The following DHRSX variants were observed in gnomAD, a reference collection of about 807,000 sequenced individuals.
DHRSX encodes polyprenol dehydrogenase.
DHRSX carries 31 observed loss-of-function variants against 34.0 expected under a neutral mutation model. The observed-to-expected ratio is 0.91, with a 90% CI of 0.69 to 1.23. The LOEUF is 1.23. DHRSX is among the 50% of genes most tolerant of loss of function. The pLI is 0.00. For missense variants in DHRSX, 414 were observed against 428.1 expected (o/e 0.97, Z 0.29); for synonymous variants, 201 against 183.8 (o/e 1.09, Z -0.76).
intron 6 of DHRSX, among the ~76,000 whole-genome samples, chrX:2,223,092 G>A (rs184777667): frequency 0.047 from 7,128 of 152,228 alleles, 491 homozygotes; most frequent in African/African-American, 0.15. Flanking sequence ...AGTGTCCTGG[G>A]AGATTTGGAG....
intron 1 of DHRSX, chrX:2,488,472 AC>A: frequency 2.0e-6 from 2 of 975,926 alleles, no homozygotes; most frequent in South Asian, 3.7e-5. Flanking sequence ...ACCGCCCCCG[AC>A]CCTCTCTCAC....
intron 6 of DHRSX, among the ~76,000 whole-genome samples, chrX:2,223,096 T>C (rs35737526): frequency 0.026 from 3,945 of 152,100 alleles, 101 homozygotes; most frequent in African/African-American, 0.06. Flanking sequence ...TCCTGGGAGA[T>C]TTGGAGGCTG....
At chrX:2,225,351 C>G (rs1163068437) in intron 6 of DHRSX, among the ~76,000 whole-genome samples, 1 of 151,402 alleles carries the variant, frequency 6.6e-6, no homozygotes, top group Admixed American at 6.6e-5. Flanking sequence ...CAAGTACGCA[C>G]ATACACATGC....
At chrX:2,246,272 G>A (rs1489333379) in intron 5 of DHRSX, among the ~76,000 whole-genome samples, 2 of 152,104 alleles carry the variant, frequency 1.3e-5, no homozygotes, top group Non-Finnish European at 2.9e-5. Flanking sequence ...ATGCGTTTCA[G>A]AAAAAGCTTC....
At chrX:2,450,618 C>T (rs5982607) in intron 1 of DHRSX, among the ~76,000 whole-genome samples, 10,548 of 151,834 alleles carry the variant, frequency 0.069, 460 homozygotes, top group African/African-American at 0.1. Flanking sequence ...TATATTTTAC[C>T]GTGACCAAGA....
chrX:2,365,392 G>A (rs1173631108), intron 3 of DHRSX, among the ~76,000 whole-genome samples: 3 of 152,110 alleles, frequency 2.0e-5, no homozygotes, highest in South Asian at 4.2e-4. Context: ...CACCCATCTC[G>A]GCCTCCCAAA....
Position 2,243,250 on chromosome X carries a change from A to T in DHRSX, c.597-20T>A. On this transcript the variant is annotated intron_variant, in intron 5 of 6. Coordinates refer to ENST00000334651, the MANE Select transcript of DHRSX (RefSeq NM_145177.3). ...CAGGCACTGTGGGGCAAGCAGGAGA[A>T]GGTGTAAGAGGCTGACGGCGTTCAC... 1 of 1,609,096 alleles carries T rather than the reference A, an allele frequency of 6.2e-7. No homozygotes were observed. The highest frequency in any genetic ancestry group is 1.1e-5 in the South Asian group (1 of 90,906).
At chrX:2,473,850 C>G (rs754895168) in intron 1 of DHRSX, among the ~76,000 whole-genome samples, 2 of 140,642 alleles carry the variant, frequency 1.4e-5, no homozygotes, top group South Asian at 2.1e-4. Flanking sequence ...CTGGGTGGGG[C>G]TGGGGAGCTG....
intron 5 of DHRSX, among the ~76,000 whole-genome samples, chrX:2,259,281 A>AT (rs1455617094): frequency 1.3e-5 from 2 of 149,446 alleles, no homozygotes; most frequent in Non-Finnish European, 1.5e-5. Flanking sequence ...TCAAAAAAAA[A>AT]ATATATAGAT....
chrX:2,490,528 G>C (rs184658668), intron 1 of DHRSX: 149 of 1,614,004 alleles, frequency 9.2e-5, no homozygotes, highest in Non-Finnish European at 1.2e-4. Flanking sequence ...CCAGGTGGTA[G>C]GACAGGTTGG....
At chrX:2,244,123 A>G (rs2016222939) in intron 5 of DHRSX, among the ~76,000 whole-genome samples, 1 of 152,004 alleles carries the variant, frequency 6.6e-6, no homozygotes, top group Non-Finnish European at 1.5e-5. Context: ...CACACAAGCA[A>G]TTTGGCAAAC....
rs777985308 is a variant in DHRSX, at chrX:2,465,055, T to C, written c.109+35762A>G. Among the ~76,000 whole-genome samples the C allele has an allele frequency of 3.3e-5, 5 of 151,832 alleles. No individual in the cohort carries two copies. In the East Asian group the frequency reaches 9.8e-4, roughly 30 times the overall value. ...ACAGGATGGCACCGAAGACGTTCCC[T>C]AGGCATATGGCCAAGGGACCTCACT... On this transcript the variant is annotated intron_variant, in intron 1 of 6. Coordinates refer to ENST00000334651, the MANE Select transcript of DHRSX (RefSeq NM_145177.3).
intron 3 of DHRSX, among the ~76,000 whole-genome samples, chrX:2,403,805 G>C (rs893898896): frequency 1.4e-5 from 2 of 146,136 alleles, no homozygotes; most frequent in Non-Finnish European, 1.5e-5. Context: ...GCAGTGAGCC[G>C]AGATCACACC....
At chrX:2,228,886 G>C (rs1043523897) in intron 6 of DHRSX, among the ~76,000 whole-genome samples, 3 of 152,086 alleles carry the variant, frequency 2.0e-5, no homozygotes, top group Non-Finnish European at 2.9e-5. Flanking sequence ...GACACACACA[G>C]GGCTTCCCTT....
intron 3 of DHRSX, among the ~76,000 whole-genome samples, chrX:2,341,343 G>A (rs1440423403): frequency 6.6e-6 from 1 of 152,116 alleles, no homozygotes; most frequent in African/African-American, 2.4e-5. Flanking sequence ...GACTACATCT[G>A]TGAAATCGAG....
intron 1 of DHRSX, among the ~76,000 whole-genome samples, chrX:2,471,575 A>G (rs1179812244): frequency 6.6e-6 from 1 of 151,574 alleles, no homozygotes; most frequent in Non-Finnish European, 1.5e-5. Flanking sequence ...AAAAAAAAAA[A>G]AAGACATTTA....
chrX:2,433,392 C>T (rs2043951862), intron 1 of DHRSX, among the ~76,000 whole-genome samples: 1 of 151,948 alleles, frequency 6.6e-6, no homozygotes, highest in African/African-American at 2.4e-5. Context: ...TATTGAAATA[C>T]TATTTCTTTT....
rs187241966 is a variant in DHRSX at position 2,226,078 on chromosome X, A to G, written c.805-4849T>C. On this transcript the variant is annotated intron_variant, in intron 6 of 6. Transcript: ENST00000334651. ...GACTTCCAGCCTCCAGGACGGTGGG[A>G]AAATCAGTGTCTGTTGTCTAAGCTG... Among the ~76,000 whole-genome samples the G allele has an allele frequency of 1.6e-3, 238 of 152,202 alleles. 5 individuals are homozygous for G. In the East Asian group the frequency reaches 0.039, roughly 25 times the overall value.
intron 6 of DHRSX, among the ~76,000 whole-genome samples, chrX:2,226,135 C>T (rs935919796): frequency 3.9e-5 from 6 of 152,194 alleles, no homozygotes; most frequent in South Asian, 2.1e-4. Flanking sequence ...CTGGCAACCC[C>T]GGCAGATGGA....
Sources: gnomAD v4.1 joint callset for allele counts (sites outside exome capture counted in the v4.1 genomes callset) on GRCh38, gnomAD v4.1.1 for gene constraint, MANE v1.5 for transcripts, NCBI Gene and HGNC (gene_info 2026-07-23, HGNC 2026-07-21) for gene names.